SMYD3: variants seen among roughly 807,000 people sequenced by gnomAD.
SMYD3 encodes histone-lysine N-methyltransferase SMYD3.
Under a neutral mutation model 57.7 loss-of-function variants are expected in SMYD3, and 36 were observed. The observed-to-expected ratio is 0.62, with a 90% CI of 0.48 to 0.82. The LOEUF is 0.82. Ranked by LOEUF, SMYD3 falls within the 40% of genes least tolerant of loss-of-function variation. The pLI is 0.00. For synonymous variants in SMYD3, 211 were observed against 195.0 expected (o/e 1.08, Z -0.68); for missense variants, 515 against 538.8 (o/e 0.96, Z 0.44).
chr1:246,424,711 T>C (rs142651112), intron 1 of SMYD3, among the ~76,000 whole-genome samples: 5 of 152,324 alleles, frequency 3.3e-5, no homozygotes, highest in African/African-American at 1.2e-4. Context: ...ATCTTCTCAC[T>C]CAAATAAGTT....
intron 10 of SMYD3, among the ~76,000 whole-genome samples, chr1:245,802,418 A>G (rs1018166508): frequency 3.9e-5 from 6 of 152,222 alleles, no homozygotes; most frequent in Non-Finnish European, 7.3e-5. Context: ...ACTACAAATT[A>G]TGAAAATAGC....
chr1:246,090,621 G>A (rs2060807188), intron 5 of SMYD3, among the ~76,000 whole-genome samples: 1 of 151,052 alleles, frequency 6.6e-6, no homozygotes. Context: ...AGGTTCAAGT[G>A]GTTCTCCTGC....
Position 246,248,454 on chromosome 1 carries a change from G to A in SMYD3, c.531+78747C>T, listed in dbSNP as rs905387587. On this transcript the variant is annotated intron_variant, in intron 5 of 11. Transcript: ENST00000490107. The stretch of plus-strand genomic sequence containing the variant: ...ACTTTTTGGAAAGTAATTTGGGCAG[G>A]TCGTTTGTTCCCATTATCAATTACC... 2.0e-5 allele frequency among the ~76,000 whole-genome samples: 3 copies of A among 151,976 alleles called. 1 individual carries two copies. In the South Asian group the frequency reaches 6.2e-4, roughly 32 times the overall value.
At chr1:246,199,283 G>C (rs1030045521) in intron 5 of SMYD3, among the ~76,000 whole-genome samples, 1 of 152,170 alleles carries the variant, frequency 6.6e-6, no homozygotes, top group African/African-American at 2.4e-5. Flanking sequence ...CTAAGATCAC[G>C]TGCCCTCTGT....
At chr1:246,504,890 G>A (rs2068512905) in intron 1 of SMYD3, among the ~76,000 whole-genome samples, 1 of 152,202 alleles carries the variant, frequency 6.6e-6, no homozygotes, top group African/African-American at 2.4e-5. Context: ...CTCAAGGACA[G>A]GCATTCAACA....
chr1:246,009,923 T>C (rs1281224126), intron 5 of SMYD3, among the ~76,000 whole-genome samples: 1 of 134,872 alleles, frequency 7.4e-6, no homozygotes, highest in African/African-American at 2.8e-5. Context: ...CAAGCAATTC[T>C]CCTGCCTCAG....
intron 1 of SMYD3, among the ~76,000 whole-genome samples, chr1:246,403,060 C>T (rs2066798247): frequency 6.6e-6 from 1 of 152,190 alleles, no homozygotes; most frequent in Non-Finnish European, 1.5e-5. Flanking sequence ...ACAAACAAAA[C>T]TCATATGGCA....
intron 8 of SMYD3, among the ~76,000 whole-genome samples, chr1:245,864,741 T>C (rs1040400348): frequency 6.7e-6 from 1 of 148,248 alleles, no homozygotes; most frequent in Non-Finnish European, 1.5e-5. Flanking sequence ...CTGTACACTT[T>C]AACTGGGTGA....
Position 246,258,287 on chromosome 1 carries a change from G to A in SMYD3, c.531+68914C>T, listed in dbSNP as rs544773046. On this transcript the variant is annotated intron_variant, in intron 5 of 11. Transcript: ENST00000490107. ...CCTGACCTCGTGATCCGCCCACCTCGGCCTCCCAAAGTGCTGGGATTACAG... is the reference window on the plus strand; with the variant it reads ...CCTGACCTCGTGATCCGCCCACCTCAGCCTCCCAAAGTGCTGGGATTACAG... Among the ~76,000 whole-genome samples the A allele has an allele frequency of 2.5e-3, 384 of 152,042 alleles. 1 individual carries two copies. The highest frequency in any genetic ancestry group is 4.1e-3 in the Non-Finnish European group (276 of 67,970).
In SMYD3 at chr1:245,858,412, A is replaced by C. The variant is rs190591715; in HGVS notation, c.1076+84T>G. ...CTGGAAATGCTCCATGCAAAGTAGT[A>C]ATCAGAATGACTTCACAACATGGAT... On this transcript the variant is annotated intron_variant, in intron 10 of 11. Transcript: ENST00000490107. The C allele has an allele frequency of 3.0e-6, 4 of 1,352,940 alleles. No homozygotes were observed. In the East Asian group the frequency reaches 9.8e-5, roughly 33 times the overall value. The allele number at this position is 1,352,940 out of a possible 1,614,324, so 83.8% of individuals were successfully genotyped here.
intron 5 of SMYD3, among the ~76,000 whole-genome samples, chr1:246,311,635 C>T (rs563729311): frequency 2.6e-5 from 4 of 152,194 alleles, no homozygotes; most frequent in African/African-American, 4.8e-5. Context: ...CACGCACACG[C>T]GTGACACGCA....
At chr1:246,137,690 C>T (rs2061684473) in intron 5 of SMYD3, among the ~76,000 whole-genome samples, 1 of 152,288 alleles carries the variant, frequency 6.6e-6, no homozygotes, top group Non-Finnish European at 1.5e-5. Context: ...AGATCATGAT[C>T]GATTTTTCCC....
chr1:245,947,499 G>T, intron 5 of SMYD3: 1 of 447,346 alleles, frequency 2.2e-6, no homozygotes. Context: ...GGATTCAGTT[G>T]CTTTATGTGG....
At chr1:245,931,784 T>C (rs990582554) in intron 5 of SMYD3, among the ~76,000 whole-genome samples, 1 of 152,222 alleles carries the variant, frequency 6.6e-6, no homozygotes, top group African/African-American at 2.4e-5. Flanking sequence ...GAAAACACAC[T>C]GAGTCCTCTG....
At chr1:246,437,718 T>C (rs2067400965) in intron 1 of SMYD3, among the ~76,000 whole-genome samples, 1 of 152,244 alleles carries the variant, frequency 6.6e-6, no homozygotes, top group Non-Finnish European at 1.5e-5. Flanking sequence ...AATATTCTAA[T>C]ATAATTTTTA....
At chr1:246,348,141 C>T (rs1345987310) in intron 2 of SMYD3, among the ~76,000 whole-genome samples, 5 of 146,884 alleles carry the variant, frequency 3.4e-5, no homozygotes, top group Admixed American at 1.4e-4. Flanking sequence ...TTGGGCCGGG[C>T]GCATTGGCTC....
rs574670110 is a variant in SMYD3, at chr1:246,330,480, T to G, written c.394A>C (p.Asn132His). ...KLYSFYDLES[N>H]INKLTEDKKE... Reference sequence around the variant, plus strand: ...AAGATGCTGATAGACAATCACTTACTTGACTCCAGATCATAAAATGAGTAA... The same window carrying G: ...AAGATGCTGATAGACAATCACTTACGTGACTCCAGATCATAAAATGAGTAA... The change falls in exon 4 of 12, where the codon AAT becomes CAT. Residue 132 changes from asparagine to histidine, a missense_variant and splice_region_variant. Transcript: ENST00000490107. 1 of 1,584,220 alleles carries G rather than the reference T, an allele frequency of 6.3e-7. No homozygotes were observed.
intron 1 of SMYD3, among the ~76,000 whole-genome samples, chr1:246,471,654 C>G (rs1270579244): frequency 6.6e-6 from 1 of 152,230 alleles, no homozygotes; most frequent in Non-Finnish European, 1.5e-5. Context: ...TCAACTAGCA[C>G]AGCAATTATG....
At chr1:245,957,364 T>C (rs1348814646) in intron 5 of SMYD3, among the ~76,000 whole-genome samples, 1 of 152,162 alleles carries the variant, frequency 6.6e-6, no homozygotes, top group African/African-American at 2.4e-5. Context: ...ATCTTCCCCC[T>C]TTCCCTTTCC....
Sources: allele counts gnomAD v4.1 joint callset (sites outside exome capture counted in the v4.1 genomes callset), GRCh38; gene constraint gnomAD v4.1.1; transcripts MANE v1.5; gene names NCBI Gene and HGNC (gene_info 2026-07-23, HGNC 2026-07-21).